Variants in WWP2 observed in about 807,000 individuals in gnomAD.
WWP2 encodes the protein NEDD4-like E3 ubiquitin-protein ligase WWP2.
In WWP2, 57 loss-of-function variants were observed where a neutral mutation model predicts 121.0. The ratio of observed to expected loss-of-function variants is 0.47; its 90% CI spans 0.38 to 0.59. WWP2 has a LOEUF of 0.59. WWP2 is among the 20% of genes least tolerant of loss of function. WWP2 has a pLI of 0.00. For synonymous variants in WWP2, 449 were observed against 441.3 expected (o/e 1.02, Z -0.22); for missense variants, 962 against 1,158.9 (o/e 0.83, Z 2.47).
chr16:69,836,586 C>T (rs1490939684), intron 4 of WWP2, among the ~76,000 whole-genome samples: 34 of 152,096 alleles, frequency 2.2e-4, no homozygotes, highest in Non-Finnish European at 4.4e-5. Context: ...CCCTCTCTCT[C>T]CTCATTGGCT....
intron 6 of WWP2, among the ~76,000 whole-genome samples, chr16:69,856,644 T>C (rs1012289899): frequency 6.6e-6 from 1 of 151,902 alleles, no homozygotes; most frequent in Non-Finnish European, 1.5e-5. Flanking sequence ...TGTGGTGGCA[T>C]GTGCCTGTAG....
chr16:69,890,342 G>T (rs1383976591), intron 8 of WWP2, among the ~76,000 whole-genome samples: 1 of 152,146 alleles, frequency 6.6e-6, no homozygotes, highest in African/African-American at 2.4e-5. Context: ...AACCTGGAGA[G>T]AATTGGCAGG....
rs762488499 is a variant in WWP2, at chr16:69,931,854, G to A, written c.1646G>A (p.Arg549His). 7.4e-6 allele frequency: 12 copies of A among 1,613,578 alleles called. No homozygotes were observed. Among genetic ancestry groups the A allele is most frequent in the African/African-American group, 2.7e-5 (2 of 74,928 alleles). Residue 549 changes from arginine (R) to histidine (H), a missense_variant, in exon 16 of 24, where the codon CGT becomes CAT. Physicochemically the swap from Arg to His is conservative, Grantham distance 29 (BLOSUM62 0). Coordinates refer to ENST00000359154, the MANE Select transcript of WWP2 (RefSeq NM_001270454.2). The part of the protein sequence containing the change: ...DLRRRLYIIM[R>H]GEEGLDYGGI... ...CGCCGCCGGCTCTACATCATCATGC[G>A]TGGCGAGGAGGGCCTGGACTATGGG...
intron 1 of WWP2, among the ~76,000 whole-genome samples, chr16:69,771,293 G>C (rs2055409629): frequency 6.6e-6 from 1 of 152,182 alleles, no homozygotes; most frequent in Non-Finnish European, 1.5e-5. Context: ...GTGTCTCCCA[G>C]GCTGGAGTGC....
At chr16:69,867,000 G>T (rs965354615) in intron 6 of WWP2, among the ~76,000 whole-genome samples, 2 of 151,988 alleles carry the variant, frequency 1.3e-5, no homozygotes, top group Admixed American at 1.3e-4. Flanking sequence ...ACCAGGCCTG[G>T]CTAATTTTTG....
At chr16:69,866,827 T>C (rs929896816) in intron 6 of WWP2, among the ~76,000 whole-genome samples, 11 of 150,302 alleles carry the variant, frequency 7.3e-5, no homozygotes, top group African/African-American at 2.4e-4. Flanking sequence ...TATTTATTTA[T>C]TTATTTATTT....
rs549144779 is a variant in WWP2 at position 69,925,545 on chromosome 16, T to C, written c.1234+61T>C. The stretch of plus-strand genomic sequence containing the variant: ...CCGTCAGCCACGGTGCTCTGTCCTC[T>C]CCTCCCGCGTGTCTTCCTTCCCTGT... On this transcript the variant is annotated intron_variant, in intron 11 of 23. Transcript: ENST00000359154. The surrounding 1 kb of genome is among the most constrained non-coding windows in gnomAD (Gnocchi z 4.0). The C allele has an allele frequency of 1.6e-5, 25 of 1,585,414 alleles. No homozygotes were observed. The African/African-American group carries it at 2.7e-4, about 17-fold the overall frequency.
chr16:69,868,912 G>C (rs936487980), intron 6 of WWP2, among the ~76,000 whole-genome samples: 1 of 152,184 alleles, frequency 6.6e-6, no homozygotes, highest in Non-Finnish European at 1.5e-5. Flanking sequence ...TTGAGACAGA[G>C]TCTCTCTCTG....
chr16:69,810,828 C>T (rs1226581063), intron 4 of WWP2, among the ~76,000 whole-genome samples: 2 of 151,432 alleles, frequency 1.3e-5, no homozygotes, highest in East Asian at 3.9e-4. Context: ...AATCTCCGCT[C>T]ACTGCAACCT....
chr16:69,815,536 T>G (rs1244595221), intron 4 of WWP2, among the ~76,000 whole-genome samples: 1 of 150,030 alleles, frequency 6.7e-6, no homozygotes, highest in East Asian at 2.0e-4. Flanking sequence ...GCCTGTAATC[T>G]CAGCACTTTG....
rs115742875 is a variant in WWP2, at chr16:69,910,130, T to C, written c.1004+1280T>C. The C allele has an allele frequency of 1.4e-3, 224 of 163,240 alleles. 3 individuals carry two copies. Among genetic ancestry groups the C allele is most frequent in the African/African-American group, 5.3e-3 (220 of 41,718 alleles). The allele number at this position is 163,240 out of a possible 1,614,324, so 10.1% of individuals were successfully genotyped here. ...AACTCCCGATCTGTAACCCCCAACC[T>C]ATCCGCCGCACCCTGATCTAGGTAA... On this transcript the variant is annotated intron_variant, in intron 9 of 23. Transcript: ENST00000359154.
intron 4 of WWP2, among the ~76,000 whole-genome samples, chr16:69,805,307 ATTACAGACGTGAG>A (rs1169657956): frequency 6.6e-6 from 1 of 152,000 alleles, no homozygotes; most frequent in Non-Finnish European, 1.5e-5. Context: ...AAGTGCTGGG[ATTACAGACGTGAG>A]TCACTGCGCC....
chr16:69,859,015 G>A, intron 6 of WWP2, among the ~76,000 whole-genome samples: 1 of 152,194 alleles, frequency 6.6e-6, no homozygotes, highest in East Asian at 1.9e-4. Context: ...GCATGTATTT[G>A]AGAGTTCCAT....
chr16:69,931,013 C>A, intron 13 of WWP2, 139 bp from the exon 14 acceptor site: 2 of 777,494 alleles, frequency 2.6e-6, no homozygotes, highest in Non-Finnish European at 4.3e-6. Context: ...CTTCAAGGAT[C>A]TTAATGACAG....
chr16:69,828,773 A>G (rs1036295230), intron 4 of WWP2, among the ~76,000 whole-genome samples: 2 of 152,176 alleles, frequency 1.3e-5, no homozygotes, highest in Non-Finnish European at 1.5e-5. Context: ...TCATCTATTT[A>G]ACTGTTAAAT....
At position 69,909,866 on chromosome 16, in the gene WWP2, G is replaced by A. The variant is rs117775035; in HGVS notation, c.1004+1016G>A. 5.8e-3 allele frequency: 1,935 copies of A among 334,636 alleles called. 9 individuals are homozygous for A. The highest frequency in any genetic ancestry group is 6.6e-3 in the Non-Finnish European group (1,549 of 235,384). The allele number at this position is 334,636 out of a possible 1,614,324, so 20.7% of individuals were successfully genotyped here. A position where few individuals can be genotyped will look rare whatever the true frequency, so the allele number is the denominator to read the frequency against. On this transcript the variant is annotated intron_variant, in intron 9 of 23. Coordinates refer to ENST00000359154, the MANE Select transcript of WWP2 (RefSeq NM_001270454.2). ...CTTCAAAAATTATCAACTCATGGCG[G>A]GTTTTGTTTCATCTGTACAAACTAG... is the stretch of plus-strand genomic sequence containing the variant.
chr16:69,862,975 C>G (rs755780737), intron 6 of WWP2, among the ~76,000 whole-genome samples: 21 of 152,068 alleles, frequency 1.4e-4, no homozygotes, highest in Non-Finnish European at 2.6e-4. Flanking sequence ...AGTCCTCCGC[C>G]CTTGGCCTCC....
chr16:69,817,288 A>G (rs1002678683), intron 4 of WWP2, among the ~76,000 whole-genome samples: 4 of 152,098 alleles, frequency 2.6e-5, no homozygotes, highest in Non-Finnish European at 4.4e-5. Context: ...TCATGCTGTC[A>G]CCCAAGCTGG....
chr16:69,936,194 C>A, intron 18 of WWP2, 118 bp from the exon 19 acceptor site: 1 of 1,503,178 alleles, frequency 6.7e-7, no homozygotes, highest in Non-Finnish European at 9.0e-7. Flanking sequence ...TGTCCCCTGT[C>A]ACTGTTCAGG....
Sources: allele counts gnomAD v4.1 joint callset (sites outside exome capture counted in the v4.1 genomes callset), GRCh38; gene constraint gnomAD v4.1.1; non-coding constraint Gnocchi (gnomAD v3.1); transcripts MANE v1.5; gene names NCBI Gene and HGNC (gene_info 2026-07-23, HGNC 2026-07-21).